Variants in PIWIL2 observed in about 807,000 individuals in gnomAD.
PIWIL2 encodes piwi-like protein 2.
Under a neutral mutation model 116.5 loss-of-function variants are expected in PIWIL2, and 81 were observed. That is an observed-to-expected ratio of 0.70 (90% CI 0.58 to 0.84). The LOEUF (loss-of-function observed/expected upper bound fraction) is 0.84. PIWIL2 is among the 40% of genes least tolerant of loss of function. The probability of loss-of-function intolerance (pLI) is 0.00; values close to 1 mark genes in which losing one functional copy is unlikely to be tolerated. For synonymous variants in PIWIL2, 489 were observed against 429.5 expected (o/e 1.14, Z -1.71); for missense variants, 1,272 against 1,212.3 (o/e 1.05, Z -0.73).
At chr8:22,302,932 C>A (rs888571310) in intron 10 of PIWIL2, among the ~76,000 whole-genome samples, 1 of 152,200 alleles carries the variant, frequency 6.6e-6, no homozygotes, top group Non-Finnish European at 1.5e-5. Flanking sequence ...GACAACAAAT[C>A]TAGGCTAACA....
chr8:22,290,054 T>A (rs547491082), intron 9 of PIWIL2, 127 bp downstream of exon 9: 81 of 737,600 alleles, frequency 1.1e-4, no homozygotes, highest in Admixed American at 3.2e-4. Context: ...ATCAATTAAA[T>A]CTCTTCCTTA....
intron 20 of PIWIL2, among the ~76,000 whole-genome samples, chr8:22,339,857 C>T (rs1832067171): frequency 6.6e-6 from 1 of 151,922 alleles, no homozygotes; most frequent in South Asian, 2.1e-4. Flanking sequence ...ATAGTAAACA[C>T]ATGAAAAGAA....
chr8:22,334,138 T>A (rs1251565116), intron 20 of PIWIL2, among the ~76,000 whole-genome samples: 1 of 151,740 alleles, frequency 6.6e-6, no homozygotes, highest in Non-Finnish European at 1.5e-5. Flanking sequence ...CACACCTGGG[T>A]AATTTTTTGT....
chr8:22,293,821 T>C (rs1002560275), intron 10 of PIWIL2, among the ~76,000 whole-genome samples: 2 of 152,252 alleles, frequency 1.3e-5, no homozygotes, highest in African/African-American at 4.8e-5. Context: ...AATGTGATTC[T>C]ATCTAAAATA....
chr8:22,288,653 G>A lies in PIWIL2; in HGVS notation c.973G>A (p.Val325Ile), dbSNP rs149950889. 1.8e-5 allele frequency: 29 copies of A among 1,608,316 alleles called. No homozygotes were observed. In the East Asian group the frequency reaches 5.6e-4, roughly 31 times the overall value. The part of the protein sequence containing the change: ...CSDLCIPFYN[V>I]VFRRVMKLLD... ...TGACCTGTGCATTCCCTTCTACAAT[G>A]TTGTTTTCCGTCGGTAAGAAAACAG... Residue 325 changes from valine to isoleucine, a missense_variant, in exon 8 of 23, where the codon GTT (valine) becomes ATT (isoleucine). Val to Ile is a conservative substitution (Grantham distance 29). Transcript: ENST00000356766.
rs1307661615 is a variant in PIWIL2 at position 22,316,293 on chromosome 8, G to A, written c.2257G>A (p.Gly753Ser). The A allele has an allele frequency of 6.2e-7, 1 of 1,613,438 alleles. No homozygotes were observed. Among genetic ancestry groups the A allele is most frequent in the African/African-American group, 1.3e-5 (1 of 74,982 alleles). Residue 753 changes from glycine (G) to serine (S), a missense_variant, in exon 19 of 23, where the codon GGC (glycine) becomes AGC (serine). Transcript: ENST00000356766. ...GGATGTTTACCATGACCCCAGTAGA[G>A]GCATGCGCTCCGTGGTTGGCTTCGT... ...GMDVYHDPSR[G>S]MRSVVGFVAS...
chr8:22,345,031 T>TGCC (rs1389975430), intron 20 of PIWIL2, among the ~76,000 whole-genome samples: 5 of 151,864 alleles, frequency 3.3e-5, no homozygotes, highest in African/African-American at 1.2e-4. Flanking sequence ...AAGTTAAGCA[T>TGCC]GCCGGGCTTA....
chr8:22,347,249 G>C (rs1832249448), intron 20 of PIWIL2, among the ~76,000 whole-genome samples: 2 of 136,540 alleles, frequency 1.5e-5, no homozygotes, highest in African/African-American at 5.6e-5. Context: ...GTCTCACTCT[G>C]TCACCCAGGC....
intron 12 of PIWIL2, among the ~76,000 whole-genome samples, chr8:22,305,587 C>G (rs1298774131): frequency 6.6e-6 from 1 of 152,144 alleles, no homozygotes; most frequent in African/African-American, 2.4e-5. Context: ...CAGTAGGATA[C>G]AGTGAGACTG....
chr8:22,338,325 A>T (rs750878705), intron 20 of PIWIL2, among the ~76,000 whole-genome samples: 9 of 152,226 alleles, frequency 5.9e-5, no homozygotes, highest in Non-Finnish European at 1.3e-4. Context: ...CACAGTTATT[A>T]CACAAAAGTC....
chr8:22,357,063 T>C lies in PIWIL2; in HGVS notation c.*1558T>C, dbSNP rs948161729. Reference sequence around the variant, plus strand: ...TGACAATGTGTGAGAAAAGAAACTTTAGCTTAAAACTCCGTAAAATGTGCT... The same window carrying C: ...TGACAATGTGTGAGAAAAGAAACTTCAGCTTAAAACTCCGTAAAATGTGCT... On this transcript the variant is annotated 3_prime_UTR_variant, in exon 23 of 23. Transcript: ENST00000356766. 4 of 152,188 alleles carry C rather than the reference T, an allele frequency of 2.6e-5. No homozygotes were observed. Among genetic ancestry groups the C allele is most frequent in the South Asian group, 2.1e-4 (1 of 4,830 alleles). The allele number at this position is 152,188 out of a possible 1,614,324, so 9.4% of individuals were successfully genotyped here. A position where few individuals can be genotyped will look rare whatever the true frequency, so the allele number is the denominator to read the frequency against.
Position 22,355,563 on chromosome 8 carries a change from ACT to A in PIWIL2, c.*61_*62del. The stretch of plus-strand genomic sequence containing the variant: ...AAGGCGGCCTCAGAACTCAGCTGTG[ACT>A]CTTGCAGAATCAACAGAGACTGAAG... On this transcript the variant is annotated 3_prime_UTR_variant, in exon 23 of 23. Transcript: ENST00000356766. 1.3e-6 allele frequency: 2 copies of A among 1,504,144 alleles called. No individual in the cohort carries two copies. Among genetic ancestry groups the A allele is most frequent in the South Asian group, 1.2e-5 (1 of 86,458 alleles). The allele number at this position is 1,504,144 out of a possible 1,614,324, so 93.2% of individuals were successfully genotyped here.
At chr8:22,346,916 C>T (rs879666888) in intron 20 of PIWIL2, among the ~76,000 whole-genome samples, 1 of 151,986 alleles carries the variant, frequency 6.6e-6, no homozygotes, top group Non-Finnish European at 1.5e-5. Flanking sequence ...CCGCTCGTGG[C>T]TGTAATCCCA....
intron 11 of PIWIL2, among the ~76,000 whole-genome samples, chr8:22,304,556 C>T (rs1261757201): frequency 6.6e-6 from 1 of 152,172 alleles, no homozygotes; most frequent in African/African-American, 2.4e-5. Flanking sequence ...ATGTTTTTAA[C>T]AAAGTCTTTC....
At chr8:22,277,140 G>A (rs114463130) in intron 1 of PIWIL2, among the ~76,000 whole-genome samples, 9,231 of 152,002 alleles carry the variant, frequency 0.061, 349 homozygotes, top group Admixed American at 0.09. Context: ...TTGTGCCTCA[G>A]ACTCCTGAGG....
At chr8:22,316,124 A>C in intron 18 of PIWIL2, 121 bp from the exon 19 acceptor site, 1 of 615,952 alleles carries the variant, frequency 1.6e-6, no homozygotes, top group Non-Finnish European at 2.9e-6. Context: ...TCTTTCCCAG[A>C]ACTTACTTTC....
chr8:22,311,063 T>G (rs1831316991), intron 15 of PIWIL2, 49 bp from the exon 16 acceptor site: 1 of 1,441,470 alleles, frequency 6.9e-7, no homozygotes, highest in African/African-American at 1.4e-5. Context: ...AGTATGAGTT[T>G]GGGATATTTA....
chr8:22,329,632 C>G lies in PIWIL2; in HGVS notation c.2403+11357C>G, dbSNP rs140145996. On this transcript the variant is annotated intron_variant, in intron 20 of 22. Transcript: ENST00000356766. The stretch of plus-strand genomic sequence containing the variant: ...CGAAACACCTCCCACCATGCCCCAC[C>G]TCCAGTATTGGGAATTACATGTCAA... Among the ~76,000 whole-genome samples the G allele has an allele frequency of 1.2e-3, 190 of 152,364 alleles. 1 individual carries two copies. The highest frequency in any genetic ancestry group is 4.4e-3 in the African/African-American group (183 of 41,584).
chr8:22,300,926 A>G (rs1831031405), intron 10 of PIWIL2, among the ~76,000 whole-genome samples: 3 of 152,124 alleles, frequency 2.0e-5, no homozygotes. Flanking sequence ...ATATGCACGT[A>G]TCATATGATA....
Sources: allele counts gnomAD v4.1 joint callset (sites outside exome capture counted in the v4.1 genomes callset), GRCh38; gene constraint gnomAD v4.1.1; transcripts MANE v1.5; gene names NCBI Gene and HGNC (gene_info 2026-07-23, HGNC 2026-07-21).